Variants in ADGRG6 observed in about 807,000 individuals in gnomAD.
The protein encoded by ADGRG6 is G-protein coupled receptor 126.
Under a neutral mutation model 142.4 loss-of-function variants are expected in ADGRG6, and 84 were observed. That is an observed-to-expected ratio of 0.59 (90% CI 0.49 to 0.71). The LOEUF is 0.71. ADGRG6 is among the 30% of genes least tolerant of loss of function. The probability of loss-of-function intolerance (pLI) is 0.00; values close to 1 mark genes in which losing one functional copy is unlikely to be tolerated. For missense variants in ADGRG6, 1,367 were observed against 1,466.6 expected (o/e 0.93, Z 1.11); for synonymous variants, 521 against 520.5 (o/e 1.00, Z -0.01).
intron 12 of ADGRG6, 81 bp from the exon 13 acceptor site, chr6:142,402,539 T>C: frequency 1.4e-6 from 1 of 731,000 alleles, no homozygotes; most frequent in South Asian, 1.8e-5. Context: ...AAGTGAAATA[T>C]TACACTCTAC....
At position 142,419,817 on chromosome 6, in the gene ADGRG6, T is replaced by C. The variant is rs766517479; in HGVS notation, c.3036-4T>C. ...TTTTTCTTTCTCATTTCTTCTTTTT[T>C]AAGCTGTTGGATTCAAGATCCAGTC... On this transcript the variant is annotated splice_region_variant and splice_polypyrimidine_tract_variant and intron_variant, in intron 21 of 24. Transcript: ENST00000367609. 3.1e-5 allele frequency: 49 copies of C among 1,592,452 alleles called. No individual in the cohort carries two copies. In the East Asian group the frequency reaches 1.1e-3, roughly 34 times the overall value.
chr6:142,379,707 C>CA (rs1021551985), intron 4 of ADGRG6, among the ~76,000 whole-genome samples: 2 of 152,120 alleles, frequency 1.3e-5, no homozygotes, highest in African/African-American at 4.8e-5. Flanking sequence ...GCAGAGTTTG[C>CA]AGTGAGCCAA....
At chr6:142,320,779 T>C (rs1266465675) in intron 2 of ADGRG6, among the ~76,000 whole-genome samples, 1 of 152,082 alleles carries the variant, frequency 6.6e-6, no homozygotes, top group Non-Finnish European at 1.5e-5. Context: ...ATTGCATAAG[T>C]GTGGTACAGC....
chr6:142,369,579 T>C (rs1419103878), intron 3 of ADGRG6, among the ~76,000 whole-genome samples: 1 of 152,306 alleles, frequency 6.6e-6, no homozygotes. Flanking sequence ...ATCTCCACTT[T>C]GTTTGACTTT....
At chr6:142,401,249 T>C (rs1344397181) in intron 11 of ADGRG6, among the ~76,000 whole-genome samples, 1 of 152,184 alleles carries the variant, frequency 6.6e-6, no homozygotes, top group Non-Finnish European at 1.5e-5. Context: ...AAGGGGACTG[T>C]AGAGATGTAT....
chr6:142,439,457 A>G (rs1777639070), intron 24 of ADGRG6, among the ~76,000 whole-genome samples: 1 of 152,208 alleles, frequency 6.6e-6, no homozygotes, highest in Non-Finnish European at 1.5e-5. Context: ...AATTATTCAT[A>G]TTGCAAATAC....
At chr6:142,314,595 T>C (rs756609263) in intron 2 of ADGRG6, among the ~76,000 whole-genome samples, 7 of 152,198 alleles carry the variant, frequency 4.6e-5, no homozygotes, top group Non-Finnish European at 1.0e-4. Flanking sequence ...GTTCTTGCTT[T>C]CGTGTATCAA....
chr6:142,309,373 T>G (rs1430567614), intron 1 of ADGRG6, among the ~76,000 whole-genome samples, 171 bp from the exon 2 acceptor site: 1 of 151,940 alleles, frequency 6.6e-6, no homozygotes, highest in Non-Finnish European at 1.5e-5. Context: ...CTAATTAGCT[T>G]GAAGGAAGTG....
chr6:142,302,088 G>A lies in ADGRG6; in HGVS notation c.-242G>A. On this transcript the variant is annotated 5_prime_UTR_variant, in exon 1 of 25. Coordinates refer to ENST00000367609, the MANE Select transcript of ADGRG6 (RefSeq NM_198569.3). ...ACCCTGCCAACTTCCCTGCGAGGAG[G>A]GACCTGCCGCCAGCCTGCTTCCTCG... 1 of 529,408 alleles carries A rather than the reference G, an allele frequency of 1.9e-6. No homozygotes were observed. 32.8% of individuals were successfully genotyped at this position (529,408 alleles called of 1,614,324 possible).
chr6:142,306,656 A>G lies in ADGRG6; in HGVS notation c.3-2888A>G, dbSNP rs112600357. Reference sequence around the variant, plus strand: ...TCTTCAGTAGAACTTTAAGGCCACAATCAAAATGGTGTAAGAGTGTACTTT... The same window carrying G: ...TCTTCAGTAGAACTTTAAGGCCACAGTCAAAATGGTGTAAGAGTGTACTTT... On this transcript the variant is annotated intron_variant, in intron 1 of 24. Transcript: ENST00000367609. Among the ~76,000 whole-genome samples, 381 of 152,216 alleles carry G rather than the reference A, an allele frequency of 2.5e-3. 3 individuals are homozygous for G. The highest frequency in any genetic ancestry group is 8.8e-3 in the African/African-American group (366 of 41,548).
chr6:142,418,295 TAA>T (rs541243272), intron 21 of ADGRG6, among the ~76,000 whole-genome samples: 7 of 79,790 alleles, frequency 8.8e-5, no homozygotes, highest in Middle Eastern at 8.8e-3. Context: ...AGACTCCATC[TAA>T]AAAAAAAAAA....
chr6:142,443,302 A>T, intron 24 of ADGRG6, 35 bp from the exon 25 acceptor site: 1 of 1,526,692 alleles, frequency 6.6e-7, no homozygotes, highest in Non-Finnish European at 9.0e-7. Flanking sequence ...CCACCAGCTC[A>T]TCTTGAACCT....
intron 2 of ADGRG6, among the ~76,000 whole-genome samples, chr6:142,354,541 T>C (rs1481548452): frequency 6.6e-6 from 1 of 152,200 alleles, no homozygotes; most frequent in African/African-American, 2.4e-5. Context: ...TCAAATTCAG[T>C]GTGATACCTA....
chr6:142,327,481 G>A (rs747468406), intron 2 of ADGRG6, among the ~76,000 whole-genome samples: 4 of 151,938 alleles, frequency 2.6e-5, no homozygotes, highest in African/African-American at 9.7e-5. Flanking sequence ...GCTGAACATC[G>A]TTATTCAATT....
intron 1 of ADGRG6, among the ~76,000 whole-genome samples, chr6:142,303,928 C>T (rs1050686385): frequency 2.6e-5 from 4 of 151,986 alleles, no homozygotes; most frequent in Non-Finnish European, 5.9e-5. Flanking sequence ...AGGGTAAAAG[C>T]GTGAATATGA....
intron 3 of ADGRG6, among the ~76,000 whole-genome samples, chr6:142,369,435 A>G (rs1320663560): frequency 6.6e-6 from 1 of 152,202 alleles, no homozygotes. Context: ...CATTTTACAG[A>G]TAAGACAAAG....
chr6:142,438,618 C>A (rs898021573), intron 24 of ADGRG6, among the ~76,000 whole-genome samples: 5 of 152,036 alleles, frequency 3.3e-5, no homozygotes, highest in East Asian at 1.9e-4. Context: ...TCATTTGATT[C>A]AAAAACTTGG....
chr6:142,438,042 A>C, intron 23 of ADGRG6, 170 bp from the exon 24 acceptor site: 1 of 484,940 alleles, frequency 2.1e-6, no homozygotes, highest in East Asian at 3.3e-5. Flanking sequence ...GGTCAAAGTA[A>C]GAAATTATCA....
chr6:142,389,095 C>CT (rs1259939823), intron 6 of ADGRG6, among the ~76,000 whole-genome samples: 1 of 151,964 alleles, frequency 6.6e-6, no homozygotes, highest in Admixed American at 6.6e-5. Context: ...TGTGCTTGGA[C>CT]TTGTGCCAGT....
Sources: gnomAD v4.1 joint callset for allele counts (sites outside exome capture counted in the v4.1 genomes callset) on GRCh38, gnomAD v4.1.1 for gene constraint, MANE v1.5 for transcripts, NCBI Gene and HGNC (gene_info 2026-07-23, HGNC 2026-07-21) for gene names.